COL4A2: variants seen among roughly 807,000 people sequenced by gnomAD.
COL4A2 encodes the protein collagen type IV alpha 2 chain, also known as collagen alpha-2(IV) chain.
In COL4A2, 99 loss-of-function variants were observed where a neutral mutation model predicts 200.2. The ratio of observed to expected loss-of-function variants is 0.49; its 90% CI spans 0.42 to 0.58. COL4A2 has a LOEUF of 0.58. COL4A2 is among the 20% of genes least tolerant of loss of function. The pLI is 0.00. For synonymous variants in COL4A2, 897 were observed against 900.6 expected (o/e 1.00, Z 0.07); for missense variants, 1,950 against 2,314.1 (o/e 0.84, Z 3.23).
intron 3 of COL4A2, among the ~76,000 whole-genome samples, chr13:110,341,337 C>T (rs952504413): frequency 6.6e-6 from 1 of 152,232 alleles, no homozygotes; most frequent in East Asian, 1.9e-4. Context: ...CGTCCAGCCC[C>T]TATGGAGCAG....
intron 4 of COL4A2, among the ~76,000 whole-genome samples, chr13:110,391,101 G>C (rs1878968742): frequency 1.3e-5 from 2 of 152,192 alleles, no homozygotes; most frequent in African/African-American, 2.4e-5. Flanking sequence ...TTTTAGTAGT[G>C]CTTTGGATTC....
intron 4 of COL4A2, among the ~76,000 whole-genome samples, chr13:110,372,292 T>C (rs547859048): frequency 3.9e-5 from 6 of 152,296 alleles, no homozygotes; most frequent in Admixed American, 3.3e-4. Context: ...TTCAACAGAC[T>C]TTTTTGTTTA....
In COL4A2 at chr13:110,473,139, C is replaced by T. The variant is rs1376206514; in HGVS notation, c.2414C>T (p.Pro805Leu). ...LKGLPGDRGPPGFRGSQGMPG... is the reference protein window; with the variant it reads ...LKGLPGDRGPLGFRGSQGMPG... ...GGCCTTCCCGGAGACAGAGGCCCCCCTGGATTCAGAGGTGAGTGCCCCATC... is the reference window on the plus strand; with the variant it reads ...GGCCTTCCCGGAGACAGAGGCCCCCTTGGATTCAGAGGTGAGTGCCCCATC... Residue 805 changes from proline to leucine, a missense_variant, in exon 29 of 48, where the codon CCT becomes CTT. This residue lies in a region of COL4A2 where 1,385 missense variants were observed against 1,720.5 expected (regional missense o/e 0.80). Transcript: ENST00000360467. 6 of 1,556,284 alleles carry T rather than the reference C, an allele frequency of 3.9e-6. No homozygotes were observed. The highest frequency in any genetic ancestry group is 2.7e-5 in the African/African-American group (2 of 73,418).
intron 4 of COL4A2, among the ~76,000 whole-genome samples, chr13:110,405,551 C>T (rs1000012551): frequency 2.0e-5 from 3 of 151,846 alleles, no homozygotes; most frequent in African/African-American, 2.4e-5. Context: ...GGGACCTCCA[C>T]GTTAGACAGG....
chr13:110,401,883 C>T lies in COL4A2; in HGVS notation c.181-22851C>T, dbSNP rs1026546855. Reference sequence around the variant, plus strand: ...ATGGTGCCCTGCTGCTGTGTCCTCACGCAGCAGAAAGGACAGATGCTCCCT... The same window carrying T: ...ATGGTGCCCTGCTGCTGTGTCCTCATGCAGCAGAAAGGACAGATGCTCCCT... On this transcript the variant is annotated intron_variant, in intron 4 of 47. Coordinates refer to ENST00000360467, the MANE Select transcript of COL4A2 (RefSeq NM_001846.4). Among the ~76,000 whole-genome samples the T allele has an allele frequency of 1.1e-4, 16 of 152,174 alleles. No individual in the cohort carries two copies. The East Asian group carries it at 2.3e-3, about 22-fold the overall frequency.
chr13:110,446,923 G>A, intron 18 of COL4A2, 59 bp downstream of exon 18: 2 of 1,420,288 alleles, frequency 1.4e-6, no homozygotes, highest in Non-Finnish European at 2.0e-6. Flanking sequence ...CTCCTGTTAG[G>A]GACACAGAGC....
At chr13:110,397,920 T>A (rs1008104757) in intron 4 of COL4A2, among the ~76,000 whole-genome samples, 11 of 152,236 alleles carry the variant, frequency 7.2e-5, no homozygotes, top group Non-Finnish European at 1.6e-4. Flanking sequence ...TTGGAAAAGA[T>A]GGGCAAATCC....
At chr13:110,336,494 G>T (rs1419542357) in intron 3 of COL4A2, among the ~76,000 whole-genome samples, 1 of 152,190 alleles carries the variant, frequency 6.6e-6, no homozygotes, top group South Asian at 2.1e-4. Context: ...CGCTGCCCAG[G>T]GCTGGGCTTT....
chr13:110,391,674 C>G (rs555198240), intron 4 of COL4A2, among the ~76,000 whole-genome samples: 1 of 152,284 alleles, frequency 6.6e-6, no homozygotes, highest in Admixed American at 6.5e-5. Context: ...TTTAGTTCTG[C>G]AAAACAGAAG....
chr13:110,359,019 C>G (rs1384703103), intron 4 of COL4A2, among the ~76,000 whole-genome samples: 1 of 152,030 alleles, frequency 6.6e-6, no homozygotes, highest in Non-Finnish European at 1.5e-5. Context: ...TAAAAATATT[C>G]TGTAAAGAAA....
chr13:110,415,307 G>A (rs777918628), intron 4 of COL4A2, among the ~76,000 whole-genome samples: 1 of 152,158 alleles, frequency 6.6e-6, no homozygotes, highest in Non-Finnish European at 1.5e-5. Flanking sequence ...TTTTTTAAAG[G>A]AGTAAGAAAA....
chr13:110,346,642 G>A lies in COL4A2; in HGVS notation c.100-10830G>A, dbSNP rs1170455922. On this transcript the variant is annotated intron_variant, in intron 3 of 47. Coordinates refer to ENST00000360467, the MANE Select transcript of COL4A2 (RefSeq NM_001846.4). ...CTGCTGTATGCCCACTGTGAAGGCT[G>A]CTTGTCACCTGTGCTGCCCAGCTCA... is the stretch of plus-strand genomic sequence containing the variant. Among the ~76,000 whole-genome samples the A allele has an allele frequency of 3.9e-5, 6 of 152,308 alleles. No individual in the cohort carries two copies. In the East Asian group the frequency reaches 1.2e-3, roughly 29 times the overall value.
Position 110,503,442 on chromosome 13 carries a change from A to G in COL4A2, c.4099A>G (p.Arg1367Gly). 6.3e-7 allele frequency: 1 copy of G among 1,584,580 alleles called. No individual in the cohort carries two copies. Among genetic ancestry groups the G allele is most frequent in the African/African-American group, 1.3e-5 (1 of 74,478 alleles). The change falls in exon 43 of 48, where the codon AGA becomes GGA. Residue 1367 changes from arginine to glycine, a missense_variant. Physicochemically the swap from Arg to Gly is moderately radical, Grantham distance 125 (BLOSUM62 -2). Around this residue, in one of 2 missense-constraint regions of COL4A2, gnomAD observed 1,385 missense variants for 1,720.5 expected, o/e 0.80. Transcript: ENST00000360467. ...TGGACCCACTGGGGCGGTGGGCGACAGAGGCCCCAAGGGACCCAAGGGAGA... is the reference window on the plus strand; with the variant it reads ...TGGACCCACTGGGGCGGTGGGCGACGGAGGCCCCAAGGGACCCAAGGGAGA... The part of the protein sequence containing the change: ...NTGPTGAVGD[R>G]GPKGPKGDPG...
At chr13:110,316,390 C>T (rs1293752275) in intron 3 of COL4A2, among the ~76,000 whole-genome samples, 1 of 152,178 alleles carries the variant, frequency 6.6e-6, no homozygotes, top group Non-Finnish European at 1.5e-5. Flanking sequence ...GATTGGCAGC[C>T]GTGATGCAAT....
intron 21 of COL4A2, chr13:110,458,086 C>T (rs1218753434): frequency 2.1e-6 from 1 of 467,612 alleles, no homozygotes; most frequent in African/African-American, 2.0e-5. Context: ...CTTCCTGGGA[C>T]TTACCACGTC....
chr13:110,350,703 C>T (rs141358616), intron 3 of COL4A2, among the ~76,000 whole-genome samples: 1,831 of 152,274 alleles, frequency 0.012, 21 homozygotes, highest in East Asian at 0.057. Context: ...TTGCAAACCT[C>T]GGTGTGCTAA....
intron 3 of COL4A2, among the ~76,000 whole-genome samples, chr13:110,351,110 G>A (rs749334755): frequency 2.6e-5 from 4 of 151,878 alleles, no homozygotes; most frequent in Admixed American, 6.6e-5. Flanking sequence ...GTACAGTGGC[G>A]TAATCTCGGC....
chr13:110,409,190 C>T (rs1017459784), intron 4 of COL4A2, among the ~76,000 whole-genome samples: 2 of 152,156 alleles, frequency 1.3e-5, no homozygotes, highest in African/African-American at 4.8e-5. Context: ...CATACACGCA[C>T]ATATACACAT....
intron 3 of COL4A2, chr13:110,328,365 A>T (rs563378975): frequency 6.6e-6 from 1 of 152,220 alleles, no homozygotes; most frequent in African/African-American, 2.4e-5. Context: ...ATTAAATAAA[A>T]TTAGGAATAT....
Sources: allele counts gnomAD v4.1 joint callset (sites outside exome capture counted in the v4.1 genomes callset), GRCh38; gene constraint gnomAD v4.1.1; regional missense constraint gnomAD v4.1.1; transcripts MANE v1.5; gene names NCBI Gene and HGNC (gene_info 2026-07-23, HGNC 2026-07-21).